The following CHRM3 variants were observed in gnomAD, a reference collection of about 807,000 sequenced individuals.
CHRM3 encodes the protein muscarinic acetylcholine receptor M3.
Under a neutral mutation model 41.8 loss-of-function variants are expected in CHRM3, and 11 were observed. The observed-to-expected ratio is 0.26, with a 90% CI of 0.17 to 0.44. The LOEUF (loss-of-function observed/expected upper bound fraction) is 0.44, where lower values mean the gene tolerates loss of function less well. Among genes scored for constraint, CHRM3 ranks in the 20% least tolerant of loss-of-function variants. The pLI is 1.00. For synonymous variants in CHRM3, 297 were observed against 301.4 expected (o/e 0.99, Z 0.15); for missense variants, 571 against 745.4 (o/e 0.77, Z 2.72).
At chr1:239,400,266 C>T (rs775748414) in intron 1 of CHRM3, among the ~76,000 whole-genome samples, 12 of 152,166 alleles carry the variant, frequency 7.9e-5, no homozygotes, top group Admixed American at 2.6e-4. Flanking sequence ...TGAGAAATCT[C>T]TGTTCACATC....
At chr1:239,438,844 A>G (rs57422755) in intron 1 of CHRM3, among the ~76,000 whole-genome samples, 2 of 152,212 alleles carry the variant, frequency 1.3e-5, no homozygotes, top group Non-Finnish European at 1.5e-5. Context: ...TGTAATTCTC[A>G]TATAACACAA....
At chr1:239,588,172 G>T (rs1663620477) in intron 3 of CHRM3, among the ~76,000 whole-genome samples, 1 of 152,098 alleles carries the variant, frequency 6.6e-6, no homozygotes, top group Non-Finnish European at 1.5e-5. Flanking sequence ...TGTTTCATTT[G>T]CTAGCTAGAA....
intron 1 of CHRM3, among the ~76,000 whole-genome samples, chr1:239,393,553 T>C (rs1572140652): frequency 6.6e-6 from 1 of 152,070 alleles, no homozygotes; most frequent in South Asian, 2.1e-4. Flanking sequence ...TTATATGGAG[T>C]CCTCCTTTCT....
chr1:239,504,604 T>TA (rs1450853736), intron 2 of CHRM3, among the ~76,000 whole-genome samples: 1 of 152,180 alleles, frequency 6.6e-6, no homozygotes, highest in Non-Finnish European at 1.5e-5. Context: ...ATGAAAGAGA[T>TA]ACTTGCACAC....
chr1:239,763,154 A>C (rs184766215), intron 5 of CHRM3, among the ~76,000 whole-genome samples: 39 of 152,316 alleles, frequency 2.6e-4, no homozygotes, highest in African/African-American at 7.9e-4. Flanking sequence ...ATATACAGAA[A>C]ACTGTCATGT....
At chr1:239,675,819 A>G (rs752152074) in intron 4 of CHRM3, among the ~76,000 whole-genome samples, 6 of 152,150 alleles carry the variant, frequency 3.9e-5, no homozygotes, top group African/African-American at 9.7e-5. Flanking sequence ...TGTGTAGGAA[A>G]TATTCTAAGC....
chr1:239,808,112 A>C (rs601048), intron 5 of CHRM3, among the ~76,000 whole-genome samples: 26,425 of 151,992 alleles, frequency 0.17, 2,870 homozygotes, highest in East Asian at 0.32. Context: ...TTTTGACCCC[A>C]TATCTGACTA....
chr1:239,415,375 G>A (rs879276001), intron 1 of CHRM3, among the ~76,000 whole-genome samples: 3 of 152,194 alleles, frequency 2.0e-5, no homozygotes, highest in Non-Finnish European at 4.4e-5. Context: ...AGGGGACGGA[G>A]GTTGCAGTGA....
chr1:239,687,408 C>T (rs1659252235), intron 5 of CHRM3, among the ~76,000 whole-genome samples: 1 of 152,116 alleles, frequency 6.6e-6, no homozygotes, highest in Non-Finnish European at 1.5e-5. Flanking sequence ...ATCAGAGCAT[C>T]ATGGTCTTTC....
chr1:239,682,498 G>A (rs1453045163), intron 5 of CHRM3, among the ~76,000 whole-genome samples: 1 of 152,090 alleles, frequency 6.6e-6, no homozygotes, highest in African/African-American at 2.4e-5. Context: ...GCTACTGGGA[G>A]AGAAATTAAT....
At chr1:239,900,831 G>A (rs1417121861) in intron 6 of CHRM3, among the ~76,000 whole-genome samples, 2 of 152,152 alleles carry the variant, frequency 1.3e-5, no homozygotes, top group South Asian at 2.1e-4. Flanking sequence ...TGTAAAGTGT[G>A]TATAATATTT....
At position 239,386,952 on chromosome 1, in the gene CHRM3, G is replaced by T. The variant is rs983298720; in HGVS notation, c.-796G>T. On this transcript the variant is annotated 5_prime_UTR_variant, in exon 1 of 7. Transcript: ENST00000676153. ...CGCGCGGCCGCAGCTGCCCGCGGGC[G>T]GAGCGCTCTCAGACCCCGGAGCGCA... 2 of 152,002 alleles carry T rather than the reference G, an allele frequency of 1.3e-5. No individual in the cohort carries two copies. Among genetic ancestry groups the T allele is most frequent in the Non-Finnish European group, 2.9e-5 (2 of 67,984 alleles). 9.4% of individuals were successfully genotyped at this position (152,002 alleles called of 1,614,324 possible).
chr1:239,797,004 A>G (rs1191227541), intron 5 of CHRM3, among the ~76,000 whole-genome samples: 1 of 152,234 alleles, frequency 6.6e-6, no homozygotes, highest in Non-Finnish European at 1.5e-5. Context: ...CATCAAGAGT[A>G]GGACAATACA....
chr1:239,474,875 G>T (rs1473153800), intron 1 of CHRM3, among the ~76,000 whole-genome samples: 1 of 151,972 alleles, frequency 6.6e-6, no homozygotes, highest in Non-Finnish European at 1.5e-5. Context: ...ATCATGAACT[G>T]ATATGTTGTT....
At chr1:239,579,838 T>A (rs898012366) in intron 3 of CHRM3, among the ~76,000 whole-genome samples, 8 of 152,146 alleles carry the variant, frequency 5.3e-5, no homozygotes, top group Non-Finnish European at 1.0e-4. Flanking sequence ...ATACACACTA[T>A]AAGGCAGGTA....
intron 1 of CHRM3, among the ~76,000 whole-genome samples, chr1:239,471,584 A>G (rs1355037509): frequency 6.6e-6 from 1 of 152,082 alleles, no homozygotes; most frequent in Non-Finnish European, 1.5e-5. Flanking sequence ...TAGGAGTGGG[A>G]AAATACTGGG....
At chr1:239,816,732 C>CTTTT (rs11309320) in intron 5 of CHRM3, among the ~76,000 whole-genome samples, 11 of 131,532 alleles carry the variant, frequency 8.4e-5, no homozygotes, top group East Asian at 2.2e-4. Context: ...GTGCCTCAGT[C>CTTTT]TTTTTTTTTT....
intron 3 of CHRM3, among the ~76,000 whole-genome samples, chr1:239,562,692 AG>A (rs1660982163): frequency 6.6e-6 from 1 of 152,064 alleles, no homozygotes; most frequent in Non-Finnish European, 1.5e-5. Flanking sequence ...GTTCAACACC[AG>A]CCTTGTCAAC....
intron 3 of CHRM3, among the ~76,000 whole-genome samples, chr1:239,624,545 T>G (rs1215657879): frequency 6.6e-6 from 1 of 150,996 alleles, no homozygotes; most frequent in Non-Finnish European, 1.5e-5. Context: ...TGCCATTGCT[T>G]TTGGTGTTTT....
Sources: gnomAD v4.1 joint callset for allele counts (sites outside exome capture counted in the v4.1 genomes callset) on GRCh38, gnomAD v4.1.1 for gene constraint, MANE v1.5 for transcripts, NCBI Gene and HGNC (gene_info 2026-07-23, HGNC 2026-07-21) for gene names.